The following HEPACAM2 variants were observed in gnomAD, a reference collection of about 807,000 sequenced individuals.
HEPACAM2 encodes mitotic kinetics regulator.
A neutral mutation model predicts 49.6 loss-of-function variants in HEPACAM2; 49 were observed. That is an observed-to-expected ratio of 0.99 (90% CI 0.78 to 1.25). The LOEUF (loss-of-function observed/expected upper bound fraction) is 1.25. Among genes scored for constraint, HEPACAM2 ranks in the 50% most tolerant of loss-of-function variants. The pLI is 0.00. For missense variants in HEPACAM2, 525 were observed against 557.2 expected (o/e 0.94, Z 0.58); for synonymous variants, 197 against 202.9 (o/e 0.97, Z 0.25).
Position 93,226,390 on chromosome 7 carries a change from G to T in HEPACAM2, c.57C>A (p.Cys19Ter), listed in dbSNP as rs760627841. ...PFGDTLGVFQ[C>*]KIYLLLFGAC... ...TACCGAAGAGAAGGAGGTATATTTT[G>T]CACTGAAAGACCCCAAGTGTGTCAC... Residue 19 changes from cysteine to a stop codon, truncating the protein, a stop_gained, in exon 1 of 10, where the codon TGC (cysteine) becomes TGA (stop). Coordinates refer to ENST00000394468, the MANE Select transcript of HEPACAM2 (RefSeq NM_001039372.4). LOFTEE classifies it high-confidence loss of function. The T allele has an allele frequency of 9.3e-6, 15 of 1,612,570 alleles. No homozygotes were observed. The highest frequency in any genetic ancestry group is 2.7e-5 in the African/African-American group (2 of 74,760).
At chr7:93,218,923 C>T (rs1310414063) in intron 2 of HEPACAM2, among the ~76,000 whole-genome samples, 178 bp downstream of exon 2, 1 of 152,152 alleles carries the variant, frequency 6.6e-6, no homozygotes, top group Non-Finnish European at 1.5e-5. Flanking sequence ...ATTTAATCTT[C>T]AGAAAGCCTT....
intron 3 of HEPACAM2, among the ~76,000 whole-genome samples, chr7:93,213,742 C>T (rs540294739): frequency 5.3e-5 from 8 of 152,044 alleles, no homozygotes; most frequent in Admixed American, 3.3e-4. Context: ...AGTGAGGACC[C>T]GGAATGAGAG....
chr7:93,221,012 A>C (rs983547267), intron 1 of HEPACAM2, among the ~76,000 whole-genome samples: 10 of 152,202 alleles, frequency 6.6e-5, no homozygotes, highest in African/African-American at 2.2e-4. Context: ...AAAAATAGAC[A>C]ATGAAAAGAA....
At chr7:93,232,260 C>A in the HEPACAM2 span, 3 of 539,720 alleles carry the variant, frequency 5.6e-6, no homozygotes, top group African/African-American at 1.9e-5. Context: ...AGATGTAGTC[C>A]CTGGGTTGGC....
At chr7:93,226,886 A>T (rs1172837606), upstream of HEPACAM2, among the ~76,000 whole-genome samples, 1 of 152,204 alleles carries the variant, frequency 6.6e-6, no homozygotes, top group Non-Finnish European at 1.5e-5. Context: ...GAAGTAGCTC[A>T]TGTATCTGCT....
intron 1 of HEPACAM2, among the ~76,000 whole-genome samples, chr7:93,223,427 A>G (rs1472278395): frequency 1.3e-5 from 2 of 152,180 alleles, no homozygotes; most frequent in African/African-American, 2.4e-5. Context: ...GAAATATTAA[A>G]TACAATACAA....
intron 4 of HEPACAM2, among the ~76,000 whole-genome samples, chr7:93,199,483 T>C (rs1255401908): frequency 1.3e-5 from 2 of 152,146 alleles, no homozygotes; most frequent in African/African-American, 4.8e-5. Flanking sequence ...TATTATTCTC[T>C]TGTGGGATTG....
intron 2 of HEPACAM2, 80 bp from the exon 3 acceptor site, chr7:93,215,765 A>G: frequency 1.5e-6 from 2 of 1,354,364 alleles, no homozygotes; most frequent in Non-Finnish European, 2.0e-6. Context: ...TTCAAATATG[A>G]ACTCCTGGAG....
chr7:93,198,635 G>T (rs1031597713), intron 4 of HEPACAM2, among the ~76,000 whole-genome samples: 1 of 152,042 alleles, frequency 6.6e-6, no homozygotes, highest in Non-Finnish European at 1.5e-5. Context: ...ATCAGATATG[G>T]GTGTGGAAAT....
chr7:93,198,118 GA>G lies in HEPACAM2; in HGVS notation c.1013-509del, dbSNP rs1338600842. ...AGAAATGTCTCTTACCATAAATGAT[GA>G]AAAAAATTAAAAAGAAAAAAGAAAT... On this transcript the variant is annotated intron_variant, in intron 4 of 9. Transcript: ENST00000394468. Among the ~76,000 whole-genome samples, 5 of 151,764 alleles carry G rather than the reference GA, an allele frequency of 3.3e-5. No homozygotes were observed. In the South Asian group the frequency reaches 1.0e-3, roughly 31 times the overall value.
At chr7:93,205,133 T>G (rs538206048) in intron 4 of HEPACAM2, among the ~76,000 whole-genome samples, 6 of 151,812 alleles carry the variant, frequency 4.0e-5, no homozygotes, top group African/African-American at 9.7e-5. Context: ...AATTCAGATA[T>G]TATTTATCAC....
At chr7:93,208,090 A>G (rs1182107921) in intron 4 of HEPACAM2, among the ~76,000 whole-genome samples, 1 of 152,004 alleles carries the variant, frequency 6.6e-6, no homozygotes, top group Non-Finnish European at 1.5e-5. Context: ...CAAGGTGTTG[A>G]GACTCCCCTT....
At chr7:93,222,076 A>G (rs1794461713) in intron 1 of HEPACAM2, among the ~76,000 whole-genome samples, 1 of 152,132 alleles carries the variant, frequency 6.6e-6, no homozygotes, top group African/African-American at 2.4e-5. Context: ...TGGGAGAGAG[A>G]AATCTATGTC....
intron 4 of HEPACAM2, among the ~76,000 whole-genome samples, chr7:93,201,271 G>C (rs1217415104): frequency 1.3e-5 from 2 of 151,978 alleles, no homozygotes; most frequent in Non-Finnish European, 2.9e-5. Flanking sequence ...TATCCAGTTT[G>C]ACATTTGTTT....
chr7:93,217,235 G>C (rs1794326665), intron 2 of HEPACAM2, among the ~76,000 whole-genome samples: 1 of 152,150 alleles, frequency 6.6e-6, no homozygotes. Flanking sequence ...AGTGGTATGA[G>C]ATAAATAGGT....
At chr7:93,200,605 T>A (rs1263472290) in intron 4 of HEPACAM2, among the ~76,000 whole-genome samples, 1 of 152,098 alleles carries the variant, frequency 6.6e-6, no homozygotes, top group African/African-American at 2.4e-5. Context: ...ATGATGGCAG[T>A]GGTAGTGGTA....
the HEPACAM2 span, among the ~76,000 whole-genome samples, chr7:93,231,781 C>T: frequency 6.6e-6 from 1 of 152,128 alleles, no homozygotes; most frequent in African/African-American, 2.4e-5. Flanking sequence ...AGGCGGGCGT[C>T]AAAATCCTTC....
upstream of HEPACAM2, among the ~76,000 whole-genome samples, chr7:93,230,288 C>T (rs972578142): frequency 6.6e-6 from 1 of 152,180 alleles, no homozygotes; most frequent in Non-Finnish European, 1.5e-5. Context: ...ATCAAGCTCT[C>T]ATGAAATATG....
intron 9 of HEPACAM2, among the ~76,000 whole-genome samples, chr7:93,190,338 G>A (rs889174861): frequency 6.6e-6 from 1 of 151,882 alleles, no homozygotes; most frequent in Non-Finnish European, 1.5e-5. Context: ...AGGATATTAC[G>A]GATAAGGGAG....
Sources: gnomAD v4.1 joint callset for allele counts (sites outside exome capture counted in the v4.1 genomes callset) on GRCh38, gnomAD v4.1.1 for gene constraint, MANE v1.5 for transcripts, NCBI Gene and HGNC (gene_info 2026-07-23, HGNC 2026-07-21) for gene names.